PTDSS1: variants seen among roughly 807,000 people sequenced by gnomAD.
PTDSS1 encodes the protein PSS-1.
A neutral mutation model predicts 70.5 loss-of-function variants in PTDSS1; 45 were observed. The ratio of observed to expected loss-of-function variants is 0.64; its 90% CI spans 0.50 to 0.82. The LOEUF (loss-of-function observed/expected upper bound fraction) is 0.82. PTDSS1 is among the 40% of genes least tolerant of loss of function. The probability of loss-of-function intolerance (pLI) is 0.00; values close to 1 mark genes in which losing one functional copy is unlikely to be tolerated. For missense variants in PTDSS1, 417 were observed against 586.1 expected (o/e 0.71, Z 2.98); for synonymous variants, 188 against 203.8 (o/e 0.92, Z 0.66).
At chr8:96,285,962 C>T (rs958508901) in intron 3 of PTDSS1, among the ~76,000 whole-genome samples, 2 of 152,150 alleles carry the variant, frequency 1.3e-5, no homozygotes, top group Non-Finnish European at 2.9e-5. Flanking sequence ...AAAAAATGTG[C>T]ATTCCCTGGG....
In PTDSS1 at chr8:96,331,039, G is replaced by T; in HGVS notation, c.1256G>T (p.Cys419Phe). The T allele has an allele frequency of 6.2e-7, 1 of 1,613,358 alleles. No homozygotes were observed. The highest frequency in any genetic ancestry group is 8.5e-7 in the Non-Finnish European group (1 of 1,179,268). ...CTCTCTCCCTAGACCTACTCGGAGT[G>T]TGAAGATGGCACCTACAGTCCAGAG... The part of the protein sequence containing the change: ...YGHREKTYSE[C>F]EDGTYSPEIS... The change falls in exon 12 of 13, where the codon TGT becomes TTT. Residue 419 changes from cysteine (C) to phenylalanine (F), a missense_variant. Cys to Phe is a radical substitution (Grantham distance 205, BLOSUM62 -2). Transcript: ENST00000517309.
intron 1 of PTDSS1, among the ~76,000 whole-genome samples, chr8:96,267,898 C>T (rs760219434): frequency 6.6e-6 from 1 of 152,220 alleles, no homozygotes; most frequent in African/African-American, 2.4e-5. Flanking sequence ...CCTGCCCACA[C>T]ATGACACCAC....
At chr8:96,271,364 T>G (rs1407648430) in intron 1 of PTDSS1, among the ~76,000 whole-genome samples, 1 of 152,234 alleles carries the variant, frequency 6.6e-6, no homozygotes, top group Admixed American at 6.5e-5. Context: ...ATCAGTTGAT[T>G]CTTAAAAAGC....
At chr8:96,312,079 CAGAG>C (rs1811219730) in intron 9 of PTDSS1, among the ~76,000 whole-genome samples, 1 of 152,102 alleles carries the variant, frequency 6.6e-6, no homozygotes, top group South Asian at 2.1e-4. Flanking sequence ...ATAAGTGGGT[CAGAG>C]AGAGAGGTCG....
intron 3 of PTDSS1, 110 bp from the exon 4 acceptor site, chr8:96,286,912 G>T: frequency 7.4e-7 from 1 of 1,352,468 alleles, no homozygotes. Context: ...GACAGGCTGT[G>T]CTGCAATCTT....
In PTDSS1 at chr8:96,262,302, C is replaced by A; in HGVS notation, c.179+83C>A. 6.8e-7 allele frequency: 1 copy of A among 1,462,082 alleles called. No individual in the cohort carries two copies. Among genetic ancestry groups the A allele is most frequent in the Non-Finnish European group, 9.3e-7 (1 of 1,073,770 alleles). The allele number at this position is 1,462,082 out of a possible 1,614,324, so 90.6% of individuals were successfully genotyped here. On this transcript the variant is annotated intron_variant, in intron 1 of 12. Coordinates refer to ENST00000517309, the MANE Select transcript of PTDSS1 (RefSeq NM_014754.3). This position sits in a 1 kb window ranked among gnomAD's most constrained non-coding sequence, Gnocchi z 4.4. ...GAGGGTGGCGGGGAGGGGGGCCCGG[C>A]ATGGCTCTGGGTGAGGAAGTGGGCT...
intron 10 of PTDSS1, among the ~76,000 whole-genome samples, chr8:96,325,113 A>G (rs931979769): frequency 1.3e-5 from 2 of 152,174 alleles, no homozygotes; most frequent in African/African-American, 4.8e-5. Flanking sequence ...TGAATTCCAC[A>G]TTTGATCTTC....
intron 9 of PTDSS1, among the ~76,000 whole-genome samples, chr8:96,317,545 G>A (rs181938239): frequency 2.0e-5 from 3 of 152,084 alleles, no homozygotes; most frequent in African/African-American, 7.2e-5. Flanking sequence ...GACCAATCAG[G>A]GTAACACGGT....
intron 10 of PTDSS1, among the ~76,000 whole-genome samples, chr8:96,325,962 TC>T (rs1243787711): frequency 6.6e-6 from 1 of 151,978 alleles, no homozygotes; most frequent in Non-Finnish European, 1.5e-5. Flanking sequence ...CAGTGAAGCT[TC>T]CTCCACACAA....
intron 2 of PTDSS1, among the ~76,000 whole-genome samples, chr8:96,282,963 G>T (rs899412196): frequency 6.6e-6 from 1 of 152,026 alleles, no homozygotes; most frequent in Admixed American, 6.6e-5. Flanking sequence ...CCAGAAACAG[G>T]CACCACCCAC....
chr8:96,319,938 G>A (rs186471773), intron 9 of PTDSS1, among the ~76,000 whole-genome samples: 1 of 152,314 alleles, frequency 6.6e-6, no homozygotes, highest in East Asian at 1.9e-4. Context: ...TCCAGCAGAG[G>A]CGGCGTGATC....
intron 12 of PTDSS1, among the ~76,000 whole-genome samples, chr8:96,332,901 G>GC (rs1434169214): frequency 1.1e-4 from 17 of 152,234 alleles, no homozygotes; most frequent in African/African-American, 4.1e-4. Context: ...CAAAGGCTCA[G>GC]CTGGAGGGCA....
intron 10 of PTDSS1, among the ~76,000 whole-genome samples, chr8:96,327,986 G>A (rs564090318): frequency 1.3e-5 from 2 of 152,308 alleles, no homozygotes; most frequent in East Asian, 3.9e-4. Flanking sequence ...TGTAAAATGG[G>A]CCTCTTTGTA....
At chr8:96,319,410 A>G (rs1811343018) in intron 9 of PTDSS1, among the ~76,000 whole-genome samples, 1 of 152,062 alleles carries the variant, frequency 6.6e-6, no homozygotes, top group African/African-American at 2.4e-5. Context: ...GAAAGGCCTG[A>G]TTTTTATAGT....
intron 4 of PTDSS1, among the ~76,000 whole-genome samples, chr8:96,292,687 G>T (rs1358254500): frequency 1.3e-5 from 2 of 152,250 alleles, no homozygotes; most frequent in Admixed American, 1.3e-4. Flanking sequence ...TTCTAGTTGA[G>T]TTTGGAAACA....
chr8:96,296,132 C>CTTTT (rs34559310), intron 5 of PTDSS1, among the ~76,000 whole-genome samples: 7 of 54,270 alleles, frequency 1.3e-4, no homozygotes, highest in Admixed American at 2.5e-4. Context: ...TCATGGTGTT[C>CTTTT]TTTTTTTTTT....
intron 2 of PTDSS1, among the ~76,000 whole-genome samples, chr8:96,281,149 T>C (rs1008046634): frequency 6.6e-6 from 1 of 152,214 alleles, no homozygotes; most frequent in Non-Finnish European, 1.5e-5. Flanking sequence ...TCAGGACTTA[T>C]AATCTAGAAC....
At chr8:96,264,804 T>G (rs1810463743) in intron 1 of PTDSS1, among the ~76,000 whole-genome samples, 1 of 152,232 alleles carries the variant, frequency 6.6e-6, no homozygotes, top group Admixed American at 6.5e-5. Flanking sequence ...ATACGAATTT[T>G]AACAGCTTGT....
At chr8:96,333,000 T>C (rs1049077568) in intron 12 of PTDSS1, among the ~76,000 whole-genome samples, 1 of 152,184 alleles carries the variant, frequency 6.6e-6, no homozygotes, top group African/African-American at 2.4e-5. Flanking sequence ...GTGAAATAGC[T>C]CTGATTTTAT....
Sources: gnomAD v4.1 joint callset for allele counts (sites outside exome capture counted in the v4.1 genomes callset) on GRCh38, gnomAD v4.1.1 for gene constraint, Gnocchi (gnomAD v3.1) non-coding constraint, MANE v1.5 for transcripts, NCBI Gene and HGNC (gene_info 2026-07-23, HGNC 2026-07-21) for gene names.